The following PTPN23 variants were observed in gnomAD, a reference collection of about 807,000 sequenced individuals.
PTPN23 encodes the protein tyrosine-protein phosphatase non-receptor type 23.
A neutral mutation model predicts 156.3 loss-of-function variants in PTPN23; 72 were observed. The observed-to-expected ratio is 0.46, with a 90% confidence interval of 0.38 to 0.56. The LOEUF is 0.56. PTPN23 is among the 20% of genes least tolerant of loss of function. The probability of loss-of-function intolerance (pLI) is 0.00; values close to 1 mark genes in which losing one functional copy is unlikely to be tolerated. For missense variants in PTPN23, 1,974 were observed against 2,171.5 expected (o/e 0.91, Z 1.81); for synonymous variants, 957 against 899.6 (o/e 1.06, Z -1.14).
At position 47,407,727 on chromosome 3, in the gene PTPN23, A is replaced by G; in HGVS notation, c.1034A>G (p.Asn345Ser). The G allele has an allele frequency of 6.2e-7, 1 of 1,613,764 alleles. No individual in the cohort carries two copies. Among genetic ancestry groups the G allele is most frequent in the Non-Finnish European group, 8.5e-7 (1 of 1,179,930 alleles). The change falls in exon 13 of 25, where the codon AAC (asparagine) becomes AGC (serine). Residue 345 changes from asparagine (N) to serine (S), a missense_variant. Coordinates refer to ENST00000265562, the MANE Select transcript of PTPN23 (RefSeq NM_015466.4). The surrounding 1 kb of genome is among the most constrained non-coding windows in gnomAD (Gnocchi z 4.0). ...CCCTTGGTGAAGCCCTTGCCAGTGA[A>G]CCCCACAGACCCAGCTGTTACAGGC... Reference protein sequence around the residue: ...GAPLVKPLPVNPTDPAVTGPD... With the variant: ...GAPLVKPLPVSPTDPAVTGPD...
At chr3:47,400,166 G>A (rs908512201) in intron 2 of PTPN23, among the ~76,000 whole-genome samples, 4 of 152,182 alleles carry the variant, frequency 2.6e-5, no homozygotes, top group Non-Finnish European at 4.4e-5. Context: ...TACATAGGAC[G>A]TTGATAATAA....
In PTPN23 at chr3:47,406,526, G is replaced by A. The variant is rs367996199; in HGVS notation, c.673G>A (p.Asp225Asn). 13 of 1,613,874 alleles carry A rather than the reference G, an allele frequency of 8.1e-6. No homozygotes were observed. The highest frequency in any genetic ancestry group is 6.7e-5 in the East Asian group (3 of 44,894). Residue 225 changes from aspartate to asparagine, a missense_variant, in exon 8 of 25, where the codon GAC (aspartate) becomes AAC (asparagine). This residue lies in a region of PTPN23 where 726 missense variants were observed against 929.5 expected (regional missense o/e 0.78). Transcript: ENST00000265562. This position sits in a 1 kb window ranked among gnomAD's most constrained non-coding sequence, Gnocchi z 5.8. ...GGCATGCCGGGCCTTGGAGAACCCC[G>A]ACACTGCCTCACTGCTGGGCCGGAT... ...KEACRALENP[D>N]TASLLGRIQK...
At chr3:47,391,154 T>C (rs1035875101) in intron 1 of PTPN23, among the ~76,000 whole-genome samples, 4 of 152,184 alleles carry the variant, frequency 2.6e-5, no homozygotes, top group Non-Finnish European at 4.4e-5. Flanking sequence ...GGAGAATTAC[T>C]TGGACCCAGG....
rs724159944 is a variant in PTPN23 at position 47,411,909 on chromosome 3, C to T, written c.4015C>T (p.Arg1339Ter). 12 of 1,613,324 alleles carry T rather than the reference C, an allele frequency of 7.4e-6. No homozygotes were observed. The highest frequency in any genetic ancestry group is 1.0e-5 in the Non-Finnish European group (12 of 1,179,994). The change falls in exon 21 of 25, where the codon CGA (arginine) becomes TGA (stop). Residue 1339 changes from arginine (R) to a stop codon, truncating the protein, a stop_gained. Transcript: ENST00000265562. LOFTEE classifies it high-confidence loss of function. This position sits in a 1 kb window ranked among gnomAD's most constrained non-coding sequence, Gnocchi z 6.3. The part of the protein sequence containing the change: ...HVERVLSLQF[R>*]DQSLKRSLVH... The stretch of plus-strand genomic sequence containing the variant: ...GGAGCGCGTGCTGAGCCTGCAGTTC[C>T]GAGACCAGAGCCTCAAGCGCTCTCT...
chr3:47,404,262 G>A (rs1705067752), intron 2 of PTPN23, among the ~76,000 whole-genome samples: 2 of 152,102 alleles, frequency 1.3e-5, no homozygotes, highest in Admixed American at 6.5e-5. Context: ...GGGAAACCCC[G>A]CCTCTACTAA....
chr3:47,409,985 C>T lies in PTPN23; in HGVS notation c.2187C>T (p.Arg729=), dbSNP rs776012668. The T allele has an allele frequency of 1.3e-6, 2 of 1,595,608 alleles. No homozygotes were observed. The change falls in exon 20 of 25, where the codon CGC becomes CGT. Residue 729 remains arginine (R), a synonymous_variant. Transcript: ENST00000265562. ...CAGCCCCAAAGCCGCTGCTGCCCCGCAGGGAGGAGAGTGAGGCAGTGGAAG... is the reference window on the plus strand; with the variant it reads ...CAGCCCCAAAGCCGCTGCTGCCCCGTAGGGAGGAGAGTGAGGCAGTGGAAG... ...RPTAPKPLLP[R]REESEAVEAG...
chr3:47,405,805 A>G lies in PTPN23; in HGVS notation c.414+7A>G. On this transcript the variant is annotated splice_region_variant and intron_variant, in intron 5 of 24. Coordinates refer to ENST00000265562, the MANE Select transcript of PTPN23 (RefSeq NM_015466.4). This position sits in a 1 kb window ranked among gnomAD's most constrained non-coding sequence, Gnocchi z 4.7. Reference sequence around the variant, plus strand: ...CAAGCGGGTGTCTGAGGAGGTGAGGAGAGGGGCAGTAGTGGAACATGTGGA... The same window carrying G: ...CAAGCGGGTGTCTGAGGAGGTGAGGGGAGGGGCAGTAGTGGAACATGTGGA... The G allele has an allele frequency of 6.3e-7, 1 of 1,590,678 alleles. No individual in the cohort carries two copies. Among genetic ancestry groups the G allele is most frequent in the East Asian group, 2.2e-5 (1 of 44,710 alleles).
chr3:47,413,175 A>G lies in PTPN23; in HGVS notation c.4901A>G (p.Asn1634Ser), dbSNP rs781734247. The change falls in exon 25 of 25, where the codon AAC becomes AGC. Residue 1634 changes from asparagine (N) to serine (S), a missense_variant. Physicochemically the swap from Asn to Ser is conservative, Grantham distance 46 (BLOSUM62 1). Around this residue, in one of 4 missense-constraint regions of PTPN23, gnomAD observed 484 missense variants for 516.0 expected, o/e 0.94. Coordinates refer to ENST00000265562, the MANE Select transcript of PTPN23 (RefSeq NM_015466.4). ...CTTCTGGATCCACTCTGGACACTCA[A>G]CAAGACCTGAACAGGTTTTGCCTAC... ...LSLLDPLWTL[N>S]KT 3.0e-5 allele frequency: 49 copies of G among 1,610,600 alleles called. No individual in the cohort carries two copies. In the Admixed American group the frequency reaches 6.0e-4, roughly 20 times the overall value.
chr3:47,382,275 G>A (rs1704559166), intron 1 of PTPN23, among the ~76,000 whole-genome samples: 1 of 151,648 alleles, frequency 6.6e-6, no homozygotes, highest in Non-Finnish European at 1.5e-5. Flanking sequence ...TTTGTTAACG[G>A]TTATCCAGAC....
rs1576235514 is a variant in PTPN23, at chr3:47,412,812, T to C, written c.4538T>C (p.Leu1513Ser). ...CTCAGCATTCGGCCTCCTGGGGGGT[T>C]GGAGTCCCCGGTTGCCAGCTTGCCA... is the stretch of plus-strand genomic sequence containing the variant. ...AKLSIRPPGG[L>S]ESPVASLPGP... The change falls in exon 25 of 25, where the codon TTG becomes TCG. Residue 1513 changes from leucine to serine, a missense_variant. Leu to Ser is a moderately radical substitution (Grantham distance 145, BLOSUM62 -2). This residue lies in a region of PTPN23 where 484 missense variants were observed against 516.0 expected (regional missense o/e 0.94). Transcript: ENST00000265562. The C allele has an allele frequency of 1.2e-6, 2 of 1,613,412 alleles. No individual in the cohort carries two copies. Among genetic ancestry groups the C allele is most frequent in the African/African-American group, 1.3e-5 (1 of 74,906 alleles).
Position 47,413,047 on chromosome 3 carries a change from C to G in PTPN23, c.4773C>G (p.Asp1591Glu). 1 of 1,612,974 alleles carries G rather than the reference C, an allele frequency of 6.2e-7. No individual in the cohort carries two copies. Among genetic ancestry groups the G allele is most frequent in the Middle Eastern group, 1.6e-4 (1 of 6,062 alleles). ...TGACCCCAGAGGCCTTCTCCCTGGA[C>G]AGCTCCCTGCGGGGCAAACAGCGGA... ...ASLTPEAFSL[D>E]SSLRGKQRMS... Residue 1591 changes from aspartate (D) to glutamate (E), a missense_variant, in exon 25 of 25, where the codon GAC (aspartate) becomes GAG (glutamate). Physicochemically the swap from Asp to Glu is conservative, Grantham distance 45 (BLOSUM62 2). Coordinates refer to ENST00000265562, the MANE Select transcript of PTPN23 (RefSeq NM_015466.4).
intron 1 of PTPN23, among the ~76,000 whole-genome samples, chr3:47,393,644 C>G (rs576455483): frequency 6.6e-6 from 1 of 152,150 alleles, no homozygotes; most frequent in Non-Finnish European, 1.5e-5. Context: ...CTAAGAAAAT[C>G]TACAATAATT....
At chr3:47,408,039 G>T (rs1264331285) in intron 14 of PTPN23, 84 bp downstream of exon 14, 1 of 1,466,858 alleles carries the variant, frequency 6.8e-7, no homozygotes, top group Non-Finnish European at 9.4e-7. Flanking sequence ...TATGCTGGGA[G>T]AGGAATGAAA....
chr3:47,386,577 G>A (rs1704657620), intron 1 of PTPN23, among the ~76,000 whole-genome samples: 1 of 152,118 alleles, frequency 6.6e-6, no homozygotes, highest in African/African-American at 2.4e-5. Context: ...TTTTCCATGG[G>A]ATGGCTGGCT....
In PTPN23 at chr3:47,405,721, C is replaced by T; in HGVS notation, c.365-28C>T. 6.3e-7 allele frequency: 1 copy of T among 1,593,326 alleles called. No individual in the cohort carries two copies. Among genetic ancestry groups the T allele is most frequent in the Non-Finnish European group, 8.5e-7 (1 of 1,170,358 alleles). On this transcript the variant is annotated intron_variant, in intron 4 of 24. Transcript: ENST00000265562. This position sits in a 1 kb window ranked among gnomAD's most constrained non-coding sequence, Gnocchi z 4.7. The stretch of plus-strand genomic sequence containing the variant: ...TCACATGGGTGTGAGCAGCCCCAGG[C>T]CCCTAACACTGTCCCCTCCCTCCCC...
chr3:47,395,655 C>T (rs1379722258), intron 1 of PTPN23, among the ~76,000 whole-genome samples: 1 of 152,212 alleles, frequency 6.6e-6, no homozygotes, highest in East Asian at 1.9e-4. Context: ...CTGCAGATCA[C>T]ATGTTTCTAT....
chr3:47,409,364 C>T, intron 17 of PTPN23, 47 bp downstream of exon 17: 1 of 1,613,452 alleles, frequency 6.2e-7, no homozygotes, highest in Non-Finnish European at 8.5e-7. Context: ...CGGGCCCCAC[C>T]CTTAGGAGTC....
At chr3:47,381,808 C>T (rs1342108121) in intron 1 of PTPN23, among the ~76,000 whole-genome samples, 2 of 152,196 alleles carry the variant, frequency 1.3e-5, no homozygotes, top group African/African-American at 4.8e-5. Context: ...TCGTAACCGA[C>T]TGGAGGGCAT....
At position 47,411,210 on chromosome 3, in the gene PTPN23, C is replaced by G. The variant is rs1246768562; in HGVS notation, c.3412C>G (p.Gln1138Glu). Residue 1138 changes from glutamine (Q) to glutamate (E), a missense_variant, in exon 20 of 25, where the codon CAG becomes GAG. By Grantham distance (29) the Gln-to-Glu change is conservative (BLOSUM62 2). Transcript: ENST00000265562. The surrounding 1 kb of genome is among the most constrained non-coding windows in gnomAD (Gnocchi z 6.3). ...HGGTQSPGGG[Q>E]PLLQPTKVDA... is the part of the protein sequence containing the mutation. Reference sequence around the variant, plus strand: ...CGGCACTCAGTCTCCTGGGGGTGGGCAGCCCCTGCTGCAGCCCACCAAGGT... The same window carrying G: ...CGGCACTCAGTCTCCTGGGGGTGGGGAGCCCCTGCTGCAGCCCACCAAGGT... 1 of 1,604,250 alleles carries G rather than the reference C, an allele frequency of 6.2e-7. No individual in the cohort carries two copies. The highest frequency in any genetic ancestry group is 8.5e-7 in the Non-Finnish European group (1 of 1,178,154).
Sources: allele counts gnomAD v4.1 joint callset (sites outside exome capture counted in the v4.1 genomes callset), GRCh38; gene constraint gnomAD v4.1.1; regional missense constraint gnomAD v4.1.1; non-coding constraint Gnocchi (gnomAD v3.1); transcripts MANE v1.5; gene names NCBI Gene and HGNC (gene_info 2026-07-23, HGNC 2026-07-21).